The following ZRANB1 variants were observed in gnomAD, a reference collection of about 807,000 sequenced individuals.
ZRANB1 encodes the protein ubiquitin thioesterase ZRANB1.
ZRANB1 carries 16 observed loss-of-function variants against 80.5 expected under a neutral mutation model. The observed-to-expected ratio is 0.20, with a 90% CI of 0.13 to 0.30. The LOEUF is 0.30. ZRANB1 is among the 10% of genes least tolerant of loss of function. The pLI, the probability that ZRANB1 is intolerant of heterozygous loss-of-function variation, is 1.00. For missense variants in ZRANB1, 576 were observed against 862.6 expected, an observed-to-expected ratio of 0.67 and a Z score of 4.16; for synonymous variants, 291 against 293.1, an observed-to-expected ratio of 0.99 and a Z score of 0.07.
chr10:124,977,909 A>G (rs1348887746), intron 5 of ZRANB1, among the ~76,000 whole-genome samples: 1 of 152,038 alleles, frequency 6.6e-6, no homozygotes, highest in Non-Finnish European at 1.5e-5. Flanking sequence ...GTGAGCACCT[A>G]GGGCTGGCAT....
intron 1 of ZRANB1, among the ~76,000 whole-genome samples, chr10:124,963,539 T>G (rs1951751592): frequency 7.8e-6 from 1 of 128,518 alleles, no homozygotes; most frequent in Non-Finnish European, 1.6e-5. Context: ...ATTGTAAGGT[T>G]TTTTTTTTTT....
chr10:124,943,843 AAC>A (rs775004522), intron 1 of ZRANB1, among the ~76,000 whole-genome samples: 13 of 152,222 alleles, frequency 8.5e-5, no homozygotes, highest in Non-Finnish European at 1.5e-4. Flanking sequence ...AGTATTTGTA[AAC>A]AGTGTGAGCA....
At position 124,985,821 on chromosome 10, in the gene ZRANB1, G is replaced by A. The variant is rs982188241; in HGVS notation, c.*829G>A. The A allele has an allele frequency of 1.3e-5, 2 of 152,192 alleles. No homozygotes were observed. The highest frequency in any genetic ancestry group is 4.8e-5 in the African/African-American group (2 of 41,454). 9.4% of individuals were successfully genotyped at this position (152,192 alleles called of 1,614,324 possible). A position where few individuals can be genotyped will look rare whatever the true frequency, so the allele number is the denominator to read the frequency against. On this transcript the variant is annotated 3_prime_UTR_variant, in exon 9 of 9. Coordinates refer to ENST00000359653, the MANE Select transcript of ZRANB1 (RefSeq NM_017580.3). ...GCCCACTTGTCACTAAATGAATTGT[G>A]TGAAATGTGCTCACTTGGACTCCAT... is the stretch of plus-strand genomic sequence containing the variant.
At chr10:124,955,443 C>T (rs1315476437) in intron 1 of ZRANB1, among the ~76,000 whole-genome samples, 1 of 152,054 alleles carries the variant, frequency 6.6e-6, no homozygotes, top group African/African-American at 2.4e-5. Flanking sequence ...ACACAGACTT[C>T]TGTAGCGTCT....
chr10:124,930,450 G>T, the ZRANB1 span, among the ~76,000 whole-genome samples: 1 of 152,116 alleles, frequency 6.6e-6, no homozygotes, highest in Non-Finnish European at 1.5e-5. Flanking sequence ...ATTTTTAGTA[G>T]AGACAGGGTT....
chr10:124,982,030 TATAGATTAGCATC>T (rs1951938771), intron 6 of ZRANB1, among the ~76,000 whole-genome samples: 1 of 150,016 alleles, frequency 6.7e-6, no homozygotes, highest in African/African-American at 2.5e-5. Context: ...GCATCGCAAG[TATAGATTAGCATC>T]GCAAGTCCTC....
Position 124,983,685 on chromosome 10 carries a change from G to C in ZRANB1, c.1905G>C (p.Gln635His), listed in dbSNP as rs550217865. The C allele has an allele frequency of 1.3e-6, 2 of 1,578,152 alleles. No individual in the cohort carries two copies. The highest frequency in any genetic ancestry group is 4.6e-5 in the East Asian group (2 of 43,428). ...KLLHVHFLSAQELGNEEQQEK... is the reference protein window; with the variant it reads ...KLLHVHFLSAHELGNEEQQEK... ...TCCATGTGCACTTCCTTTCTGCTCA[G>C]GAGGTAAGCAGTTTCTCCTATGAAC... The change falls in exon 8 of 9, where the codon CAG (glutamine) becomes CAC (histidine). Residue 635 changes from glutamine to histidine, a missense_variant. Physicochemically the swap from Gln to His is conservative, Grantham distance 24. Transcript: ENST00000359653. The surrounding 1 kb of genome is among the most constrained non-coding windows in gnomAD (Gnocchi z 6.2).
intron 1 of ZRANB1, among the ~76,000 whole-genome samples, chr10:124,952,291 G>A (rs1411596299): frequency 6.6e-6 from 1 of 152,218 alleles, no homozygotes; most frequent in African/African-American, 2.4e-5. Flanking sequence ...AAGCGTCCTT[G>A]TAAATCACAG....
chr10:124,957,993 G>A (rs1028588135), intron 1 of ZRANB1, among the ~76,000 whole-genome samples: 7 of 152,154 alleles, frequency 4.6e-5, no homozygotes, highest in African/African-American at 1.4e-4. Flanking sequence ...GCCTCCCAAA[G>A]TGTTGGGATT....
Position 124,942,760 on chromosome 10 carries a change from A to G in ZRANB1, c.267A>G (p.Ser89=), listed in dbSNP as rs758226800. 1 of 1,614,252 alleles carries G rather than the reference A, an allele frequency of 6.2e-7. No homozygotes were observed. Among genetic ancestry groups the G allele is most frequent in the Non-Finnish European group, 8.5e-7 (1 of 1,180,042 alleles). ...SYSMENANKW[S]CHMCTYLNWP... is the part of the protein sequence containing the mutation. ...GCATGGAAAATGCAAATAAGTGGTC[A>G]TGCCACATGTGTACATATTTGAACT... The change falls in exon 1 of 9, where the codon TCA becomes TCG. Residue 89 remains serine, a synonymous_variant. Transcript: ENST00000359653.
chr10:124,919,840 T>A, the ZRANB1 span, among the ~76,000 whole-genome samples: 17 of 149,008 alleles, frequency 1.1e-4, no homozygotes, highest in South Asian at 3.6e-3. Context: ...CTCGATCTCC[T>A]GACCTTGTGA....
the ZRANB1 span, among the ~76,000 whole-genome samples, chr10:124,932,267 A>G: frequency 2.0e-5 from 3 of 148,316 alleles, no homozygotes; most frequent in South Asian, 4.3e-4. Context: ...TTCCCACACT[A>G]TACGGGTGTA....
chr10:124,951,367 A>G (rs1444734589), intron 1 of ZRANB1, among the ~76,000 whole-genome samples: 1 of 152,216 alleles, frequency 6.6e-6, no homozygotes, highest in Non-Finnish European at 1.5e-5. Context: ...TTGAGAGATT[A>G]TATTCCTTTG....
chr10:124,928,279 C>T, the ZRANB1 span, among the ~76,000 whole-genome samples: 136 of 152,058 alleles, frequency 8.9e-4, no homozygotes, highest in South Asian at 7.5e-3. Context: ...GCTACGGTGT[C>T]GCCGAAGCAT....
intron 5 of ZRANB1, 90 bp downstream of exon 5, chr10:124,974,488 A>G (rs1951856978): frequency 1.5e-6 from 2 of 1,334,944 alleles, no homozygotes; most frequent in Non-Finnish European, 2.1e-6. Context: ...TGTCAGTTAT[A>G]TTTTCTATGG....
Position 124,942,308 on chromosome 10 carries a change from A to G in ZRANB1, c.-186A>G, listed in dbSNP as rs1951543106. The G allele has an allele frequency of 7.1e-7, 1 of 1,411,696 alleles. No individual in the cohort carries two copies. Among genetic ancestry groups the G allele is most frequent in the East Asian group, 2.5e-5 (1 of 39,224 alleles). 87.4% of individuals were successfully genotyped at this position (1,411,696 alleles called of 1,614,324 possible). A position where few individuals can be genotyped will look rare whatever the true frequency, so the allele number is the denominator to read the frequency against. On this transcript the variant is annotated 5_prime_UTR_variant, in exon 1 of 9. Transcript: ENST00000359653. ...CTCCAGTGTTTCTATGGAAATTAAA[A>G]AAGAAAATTAGGATAATTCAATGTC...
At chr10:124,941,770 A>C (rs1344860505), upstream of ZRANB1, among the ~76,000 whole-genome samples, 1 of 152,198 alleles carries the variant, frequency 6.6e-6, no homozygotes, top group Non-Finnish European at 1.5e-5. Context: ...CCACAGATTT[A>C]ATTTTCCCCA....
At chr10:124,939,777 C>T (rs1030727930), upstream of ZRANB1, among the ~76,000 whole-genome samples, 3 of 151,910 alleles carry the variant, frequency 2.0e-5, no homozygotes, top group Admixed American at 6.6e-5. Flanking sequence ...ATTTCATTCC[C>T]GAGAAACTAA....
chr10:124,959,766 T>C (rs1392553642), intron 1 of ZRANB1, among the ~76,000 whole-genome samples: 6 of 152,206 alleles, frequency 3.9e-5, no homozygotes, highest in African/African-American at 1.4e-4. Context: ...AGCCTAGTGG[T>C]CAACTTTTGA....
Sources: allele counts gnomAD v4.1 joint callset (sites outside exome capture counted in the v4.1 genomes callset), GRCh38; gene constraint gnomAD v4.1.1; non-coding constraint Gnocchi (gnomAD v3.1); transcripts MANE v1.5; gene names NCBI Gene and HGNC (gene_info 2026-07-23, HGNC 2026-07-21).